The following DHX9 variants were observed in gnomAD, a reference collection of about 807,000 sequenced individuals.
DHX9 encodes the protein ATP-dependent RNA helicase A.
In DHX9, 27 loss-of-function variants were observed where a neutral mutation model predicts 148.7. The observed-to-expected ratio is 0.18, with a 90% CI of 0.13 to 0.25. DHX9 has a LOEUF of 0.25. Among genes scored for constraint, DHX9 ranks in the 10% least tolerant of loss-of-function variants. The pLI, the probability that DHX9 is intolerant of heterozygous loss-of-function variation, is 1.00. For synonymous variants in DHX9, 529 were observed against 516.6 expected (o/e 1.02, Z -0.33); for missense variants, 796 against 1,559.6 (o/e 0.51, Z 8.25).
intron 12 of DHX9, among the ~76,000 whole-genome samples, chr1:182,865,552 G>A (rs1325823877): frequency 1.3e-5 from 2 of 152,172 alleles, no homozygotes; most frequent in Non-Finnish European, 1.5e-5. Flanking sequence ...ATAGTGATCA[G>A]TAAGAGCTAC....
chr1:182,867,064 A>T, intron 14 of DHX9, 21 bp downstream of exon 14: 1 of 1,454,196 alleles, frequency 6.9e-7, no homozygotes, highest in East Asian at 2.4e-5. Context: ...TGAGAGGTAC[A>T]GTAAGGTACT....
rs1156623201 is a variant in DHX9 at position 182,881,526 on chromosome 1, T to G, written c.2793T>G (p.Gly931=). The change falls in exon 24 of 28, where the codon GGT becomes GGG. Residue 931 remains glycine, a synonymous_variant. Coordinates refer to ENST00000367549, the MANE Select transcript of DHX9 (RefSeq NM_001357.5). ...VFQAWDDARM[G]GEEAEIRFCE... ...TCATGCCAATTTATTTTAGAATGGG[T>G]GGAGAAGAAGCAGAGATACGTTTTT... The G allele has an allele frequency of 6.2e-7, 1 of 1,611,730 alleles. No individual in the cohort carries two copies. Among genetic ancestry groups the G allele is most frequent in the South Asian group, 1.1e-5 (1 of 90,462 alleles).
intron 2 of DHX9, 37 bp downstream of exon 2, chr1:182,842,714 G>A (rs1341719695): frequency 2.0e-6 from 3 of 1,527,630 alleles, no homozygotes; most frequent in Non-Finnish European, 2.7e-6. Context: ...TGTGATTTAT[G>A]AGGTTCATTT....
At chr1:182,884,587 A>AT (rs1209954565) in intron 26 of DHX9, 26 bp from the exon 27 acceptor site, 2 of 1,605,752 alleles carry the variant, frequency 1.2e-6, no homozygotes, top group African/African-American at 2.7e-5. Context: ...TCCCTCTCTT[A>AT]TTTTTAATGT....
intron 14 of DHX9, among the ~76,000 whole-genome samples, chr1:182,867,339 C>T (rs1487258653): frequency 2.0e-5 from 3 of 152,062 alleles, no homozygotes; most frequent in East Asian, 1.9e-4. Flanking sequence ...GACTAAATAG[C>T]TGATGGAATT....
At chr1:182,848,579 T>C (rs1263293343) in intron 3 of DHX9, among the ~76,000 whole-genome samples, 1 of 152,194 alleles carries the variant, frequency 6.6e-6, no homozygotes, top group Non-Finnish European at 1.5e-5. Flanking sequence ...AAATGTTTTT[T>C]GGTTGACTGA....
chr1:182,878,010 T>C lies in DHX9; in HGVS notation c.2199-11T>C. On this transcript the variant is annotated splice_polypyrimidine_tract_variant and intron_variant, in intron 19 of 27. Coordinates refer to ENST00000367549, the MANE Select transcript of DHX9 (RefSeq NM_001357.5). Reference sequence around the variant, plus strand: ...CATGAGTCTTAGAATTAACCACTTTTTCCTATGTAGGCAGAAAGTGAAACT... The same window carrying C: ...CATGAGTCTTAGAATTAACCACTTTCTCCTATGTAGGCAGAAAGTGAAACT... 2 of 1,613,984 alleles carry C rather than the reference T, an allele frequency of 1.2e-6. No individual in the cohort carries two copies. Among genetic ancestry groups the C allele is most frequent in the Non-Finnish European group, 1.7e-6 (2 of 1,179,892 alleles).
intron 20 of DHX9, among the ~76,000 whole-genome samples, 192 bp downstream of exon 20, chr1:182,878,365 G>A (rs1428065545): frequency 6.6e-6 from 1 of 152,182 alleles, no homozygotes; most frequent in African/African-American, 2.4e-5. Flanking sequence ...TAGAAATATA[G>A]AGACCTAGAT....
intron 27 of DHX9, among the ~76,000 whole-genome samples, chr1:182,886,748 A>AAT (rs1218921274): frequency 7.2e-5 from 11 of 152,220 alleles, no homozygotes; most frequent in African/African-American, 2.7e-4. Flanking sequence ...ATAAAGACCA[A>AAT]ATAGTTTATT....
At chr1:182,844,190 C>T (rs1346283185) in intron 3 of DHX9, among the ~76,000 whole-genome samples, 1 of 152,132 alleles carries the variant, frequency 6.6e-6, no homozygotes, top group Non-Finnish European at 1.5e-5. Context: ...TCAAGTGATC[C>T]ATCCACCCAC....
intron 21 of DHX9, 55 bp from the exon 22 acceptor site, chr1:182,880,442 C>T: frequency 8.4e-7 from 1 of 1,193,542 alleles, no homozygotes; most frequent in Non-Finnish European, 1.2e-6. Flanking sequence ...AATGTTTTGT[C>T]TGCCTAAAAT....
rs1649088970 is a variant in DHX9, at chr1:182,881,632, T to A, written c.2899T>A (p.Ser967Thr). 6.2e-7 allele frequency: 1 copy of A among 1,603,978 alleles called. No homozygotes were observed. The highest frequency in any genetic ancestry group is 1.3e-5 in the African/African-American group (1 of 74,290). ...TCAGCTCAAAGAGATTTTGATTAAT[T>A]CTGGGTTTCCAGAAGGTAAGACTTC... is the stretch of plus-strand genomic sequence containing the variant. ...KVQLKEILINSGFPEDCLLTQ... is the reference protein window; with the variant it reads ...KVQLKEILINTGFPEDCLLTQ... Residue 967 changes from serine (S) to threonine (T), a missense_variant, in exon 24 of 28, where the codon TCT becomes ACT. Transcript: ENST00000367549.
chr1:182,870,523 G>A (rs1571314770), intron 14 of DHX9, among the ~76,000 whole-genome samples: 3 of 152,142 alleles, frequency 2.0e-5, no homozygotes, highest in Non-Finnish European at 4.4e-5. Context: ...GTTAGGAGAC[G>A]GTGGCATGTC....
chr1:182,884,335 A>T lies in DHX9; in HGVS notation c.3261-278A>T, dbSNP rs74622071. On this transcript the variant is annotated intron_variant, in intron 26 of 27. Transcript: ENST00000367549. ...TTGTTTTTTGTTTATTATATATTGC[A>T]TATATTTTTATTATATTTTATTTGG... Among the ~76,000 whole-genome samples the T allele has an allele frequency of 1.2e-3, 176 of 152,198 alleles. 6 individuals are homozygous for T. The East Asian group carries it at 0.03, about 26-fold the overall frequency.
At chr1:182,859,379 T>G (rs1222738527) in intron 11 of DHX9, among the ~76,000 whole-genome samples, 1 of 152,176 alleles carries the variant, frequency 6.6e-6, no homozygotes, top group Non-Finnish European at 1.5e-5. Flanking sequence ...TTTTGTTTGT[T>G]TTAGTGTTTT....
At chr1:182,850,815 A>G (rs931254705) in intron 3 of DHX9, among the ~76,000 whole-genome samples, 1 of 152,204 alleles carries the variant, frequency 6.6e-6, no homozygotes, top group Non-Finnish European at 1.5e-5. Context: ...CAGAGCCAAG[A>G]TTATGCACTG....
At chr1:182,879,040 A>G (rs72727049) in intron 20 of DHX9, among the ~76,000 whole-genome samples, 3 of 152,394 alleles carry the variant, frequency 2.0e-5, no homozygotes, top group Non-Finnish European at 2.9e-5. Flanking sequence ...AAGGCTATCA[A>G]GCTGTGAGGA....
intron 6 of DHX9, among the ~76,000 whole-genome samples, chr1:182,854,509 G>A (rs1024128121): frequency 6.6e-6 from 1 of 152,060 alleles, no homozygotes; most frequent in African/African-American, 2.4e-5. Flanking sequence ...GCCAAAGGTG[G>A]TGATTTTTTT....
chr1:182,866,273 AT>A (rs1188532170), intron 12 of DHX9, among the ~76,000 whole-genome samples, 170 bp from the exon 13 acceptor site: 3 of 152,176 alleles, frequency 2.0e-5, no homozygotes, highest in African/African-American at 4.8e-5. Flanking sequence ...AATGAAAAAC[AT>A]TTTTTAAGTG....
Sources: allele counts gnomAD v4.1 joint callset (sites outside exome capture counted in the v4.1 genomes callset), GRCh38; gene constraint gnomAD v4.1.1; transcripts MANE v1.5; gene names NCBI Gene and HGNC (gene_info 2026-07-23, HGNC 2026-07-21).